GUCY1A2: variants seen among roughly 807,000 people sequenced by gnomAD.
GUCY1A2 encodes the protein guanylate cyclase soluble subunit alpha-2.
GUCY1A2 carries 27 observed loss-of-function variants against 63.5 expected under a neutral mutation model. That is an observed-to-expected ratio of 0.43 (90% CI 0.31 to 0.59). The LOEUF (loss-of-function observed/expected upper bound fraction) is 0.59. GUCY1A2 is among the 20% of genes least tolerant of loss of function. The pLI is 0.11. For synonymous variants in GUCY1A2, 364 were observed against 343.5 expected, an observed-to-expected ratio of 1.06 and a Z score of -0.66; for missense variants, 768 against 913.3, an observed-to-expected ratio of 0.84 and a Z score of 2.05.
Position 107,004,330 on chromosome 11 carries a change from G to A in GUCY1A2, c.303+13423C>T, listed in dbSNP as rs865909076. Among the ~76,000 whole-genome samples the A allele has an allele frequency of 2.6e-5, 4 of 152,156 alleles. No individual in the cohort carries two copies. The East Asian group carries it at 5.8e-4, about 22-fold the overall frequency. On this transcript the variant is annotated intron_variant, in intron 1 of 7. Coordinates refer to ENST00000526355, the MANE Select transcript of GUCY1A2 (RefSeq NM_000855.3). ...GCAAGTTACTCAACTTCTCTGAATC[G>A]AAATTTTCCTATGAGATTTTGAAAA...
Position 106,680,192 on chromosome 11 carries a change from A to G in GUCY1A2, c.*7357T>C. 4.7e-6 allele frequency: 1 copy of G among 213,700 alleles called. No homozygotes were observed. 13.2% of individuals were successfully genotyped at this position (213,700 alleles called of 1,614,324 possible). On this transcript the variant is annotated 3_prime_UTR_variant, in exon 8 of 8. Coordinates refer to ENST00000526355, the MANE Select transcript of GUCY1A2 (RefSeq NM_000855.3). Reference sequence around the variant, plus strand: ...TGAGTCTGCTGTGTAAATGCCAGGCAGCAGAATGCAAAGAAGTGTCTTCAG... The same window carrying G: ...TGAGTCTGCTGTGTAAATGCCAGGCGGCAGAATGCAAAGAAGTGTCTTCAG...
rs764134546 is a variant in GUCY1A2, at chr11:106,687,504, T to G, written c.*45A>C. 7.0e-7 allele frequency: 1 copy of G among 1,426,932 alleles called. No homozygotes were observed. Among genetic ancestry groups the G allele is most frequent in the Non-Finnish European group, 9.9e-7 (1 of 1,010,114 alleles). 88.4% of individuals were successfully genotyped at this position (1,426,932 alleles called of 1,614,324 possible). The stretch of plus-strand genomic sequence containing the variant: ...TCCACCCCCCATTGGTGACCCATGT[T>G]CTGGGCTTGTGCTTTTTGGAGGAGT... On this transcript the variant is annotated 3_prime_UTR_variant, in exon 8 of 8. Coordinates refer to ENST00000526355, the MANE Select transcript of GUCY1A2 (RefSeq NM_000855.3).
At chr11:106,926,527 G>C (rs567136699) in intron 4 of GUCY1A2, among the ~76,000 whole-genome samples, 1 of 151,484 alleles carries the variant, frequency 6.6e-6, no homozygotes. Context: ...AGATTATAGA[G>C]AACAGTTCAT....
intron 6 of GUCY1A2, among the ~76,000 whole-genome samples, chr11:106,721,177 A>G (rs1863309981): frequency 6.6e-6 from 1 of 151,366 alleles, no homozygotes; most frequent in African/African-American, 2.4e-5. Flanking sequence ...TCCTGCCTCA[A>G]TCTACCGAGT....
At position 106,675,774 on chromosome 11, in the gene GUCY1A2, C is replaced by G. The variant is rs1862335540; in HGVS notation, c.*11775G>C. The G allele has an allele frequency of 5.2e-6, 1 of 190,792 alleles. No individual in the cohort carries two copies. The allele number at this position is 190,792 out of a possible 1,614,324, so 11.8% of individuals were successfully genotyped here. On this transcript the variant is annotated 3_prime_UTR_variant, in exon 8 of 8. Coordinates refer to ENST00000526355, the MANE Select transcript of GUCY1A2 (RefSeq NM_000855.3). The stretch of plus-strand genomic sequence containing the variant: ...ACAGGAAGAAAGTAATCAGTATTTT[C>G]ATAGATACCAATTTATATGGTAGCT...
Position 106,709,495 on chromosome 11 carries a change from TATA to T in GUCY1A2, c.1837-832_1837-830del, listed in dbSNP as rs1388073993. Among the ~76,000 whole-genome samples, 128 of 55,092 alleles carry T rather than the reference TATA, an allele frequency of 2.3e-3. 5 individuals are homozygous for T. The highest frequency in any genetic ancestry group is 0.018 in the East Asian group (61 of 3,344). The allele number at this position is 55,092 out of a possible 152,430, so 36.1% of individuals were successfully genotyped here. ...ATATATTATTATATATTTATATATATATAATAATATATATTATTCTATAAATAT... is the reference window on the plus strand; with the variant it reads ...ATATATTATTATATATTTATATATATATAATATATATTATTCTATAAATAT... On this transcript the variant is annotated intron_variant, in intron 6 of 7. Coordinates refer to ENST00000526355, the MANE Select transcript of GUCY1A2 (RefSeq NM_000855.3).
intron 3 of GUCY1A2, 39 bp from the exon 4 acceptor site, chr11:106,940,217 T>C: frequency 1.1e-6 from 1 of 900,968 alleles, no homozygotes; most frequent in Non-Finnish European, 1.7e-6. Context: ...TGAAGTCTAA[T>C]ATAAATAATT....
chr11:106,729,716 CAATT>C (rs1170261638), intron 6 of GUCY1A2, among the ~76,000 whole-genome samples: 1 of 152,060 alleles, frequency 6.6e-6, no homozygotes, highest in East Asian at 1.9e-4. Flanking sequence ...AGAGTAATCA[CAATT>C]AATTATGCCA....
At chr11:106,893,663 T>C (rs1478466824) in intron 4 of GUCY1A2, among the ~76,000 whole-genome samples, 2 of 152,068 alleles carry the variant, frequency 1.3e-5, no homozygotes, top group Non-Finnish European at 2.9e-5. Context: ...ATAAGAGAAA[T>C]GATGTCACTG....
intron 6 of GUCY1A2, among the ~76,000 whole-genome samples, chr11:106,747,235 G>A (rs1346446544): frequency 2.6e-5 from 4 of 152,128 alleles, no homozygotes; most frequent in East Asian, 1.9e-4. Context: ...TGATCTGCCC[G>A]CCTCGGCCTG....
intron 3 of GUCY1A2, among the ~76,000 whole-genome samples, chr11:106,976,516 A>C (rs1861264580): frequency 6.6e-6 from 1 of 152,210 alleles, no homozygotes; most frequent in African/African-American, 2.4e-5. Flanking sequence ...ATGACCGCTA[A>C]CGCTGTCCTC....
chr11:106,871,221 C>T (rs1426784637), intron 4 of GUCY1A2, among the ~76,000 whole-genome samples: 1 of 152,108 alleles, frequency 6.6e-6, no homozygotes, highest in Non-Finnish European at 1.5e-5. Flanking sequence ...AACCAAATTA[C>T]TGCCAGAAGA....
intron 6 of GUCY1A2, among the ~76,000 whole-genome samples, chr11:106,725,567 A>G (rs1863393901): frequency 6.6e-6 from 1 of 152,160 alleles, no homozygotes; most frequent in African/African-American, 2.4e-5. Context: ...TATATTTTTA[A>G]AAGTTAATTT....
At chr11:106,816,959 G>A (rs1255332689) in intron 4 of GUCY1A2, among the ~76,000 whole-genome samples, 1 of 151,500 alleles carries the variant, frequency 6.6e-6, no homozygotes, top group East Asian at 1.9e-4. Context: ...ATAATTTAAA[G>A]TTTTTTGAAA....
At chr11:106,846,026 A>G (rs1200258609) in intron 4 of GUCY1A2, among the ~76,000 whole-genome samples, 1 of 151,682 alleles carries the variant, frequency 6.6e-6, no homozygotes, top group African/African-American at 2.4e-5. Context: ...TAATCTAATC[A>G]TGAGGAAACA....
intron 4 of GUCY1A2, among the ~76,000 whole-genome samples, chr11:106,924,325 T>A (rs1012334903): frequency 1.3e-5 from 2 of 152,230 alleles, no homozygotes; most frequent in Admixed American, 1.3e-4. Context: ...GCATTAATCA[T>A]GATCTCTACA....
intron 6 of GUCY1A2, among the ~76,000 whole-genome samples, chr11:106,768,323 C>A (rs1000689468): frequency 6.8e-6 from 1 of 146,162 alleles, no homozygotes; most frequent in East Asian, 2.0e-4. Context: ...AATTTAAAAA[C>A]AAATTATTTT....
chr11:106,703,965 T>C (rs956999263), intron 7 of GUCY1A2, among the ~76,000 whole-genome samples: 1 of 152,082 alleles, frequency 6.6e-6, no homozygotes, highest in Non-Finnish European at 1.5e-5. Flanking sequence ...AATTTGGGAA[T>C]TTCCCATGTA....
chr11:107,013,308 T>C (rs1296309151), intron 1 of GUCY1A2, among the ~76,000 whole-genome samples: 1 of 152,164 alleles, frequency 6.6e-6, no homozygotes, highest in African/African-American at 2.4e-5. Context: ...ATGACTCTAG[T>C]GGTGTATCTT....
Sources: allele counts gnomAD v4.1 joint callset (sites outside exome capture counted in the v4.1 genomes callset), GRCh38; gene constraint gnomAD v4.1.1; transcripts MANE v1.5; gene names NCBI Gene and HGNC (gene_info 2026-07-23, HGNC 2026-07-21).